FHIT: variants seen among roughly 807,000 people sequenced by gnomAD.
The protein encoded by FHIT is bis(5'-adenosyl)-triphosphatase.
FHIT carries 19 observed loss-of-function variants against 17.9 expected under a neutral mutation model. The ratio of observed to expected loss-of-function variants is 1.06; its 90% CI spans 0.74 to 1.56. FHIT has a LOEUF of 1.56. Ranked by LOEUF, FHIT falls within the 40% of genes most tolerant of loss-of-function variation. The pLI, the probability that FHIT is intolerant of heterozygous loss-of-function variation, is 0.00. For missense variants in FHIT, 248 were observed against 189.2 expected (o/e 1.31, Z -1.82); for synonymous variants, 81 against 69.7 (o/e 1.16, Z -0.81).
chr3:60,120,260 A>G (rs534553073), intron 5 of FHIT, among the ~76,000 whole-genome samples: 6 of 152,204 alleles, frequency 3.9e-5, no homozygotes, highest in Non-Finnish European at 8.8e-5. Context: ...GGCCTTAATC[A>G]TTTCAGTTTC....
At chr3:60,089,616 T>C (rs866411446) in intron 5 of FHIT, among the ~76,000 whole-genome samples, 25 of 152,190 alleles carry the variant, frequency 1.6e-4, no homozygotes, top group African/African-American at 5.8e-4. Flanking sequence ...GATGAAAGGC[T>C]TACCCACTGT....
chr3:60,094,423 T>A (rs1255688344), intron 5 of FHIT, among the ~76,000 whole-genome samples: 1 of 140,428 alleles, frequency 7.1e-6, no homozygotes, highest in East Asian at 2.0e-4. Context: ...CCGGCACCTA[T>A]TTTTGTATCA....
In FHIT at chr3:60,681,940, A is replaced by T. The variant is rs571352617; in HGVS notation, c.-18+139979T>A. Among the ~76,000 whole-genome samples, 28 of 152,088 alleles carry T rather than the reference A, an allele frequency of 1.8e-4. No homozygotes were observed. In the South Asian group the frequency reaches 4.8e-3, roughly 26 times the overall value. On this transcript the variant is annotated intron_variant, in intron 4 of 9. Transcript: ENST00000492590. ...AAGTTATCCAGAAGATCTAGCTAAGATAACTAATGAAGGTGGCTACACTAA... is the reference window on the plus strand; with the variant it reads ...AAGTTATCCAGAAGATCTAGCTAAGTTAACTAATGAAGGTGGCTACACTAA...
chr3:60,324,343 T>TG (rs11400256), intron 5 of FHIT, among the ~76,000 whole-genome samples: 152,004 of 152,012 alleles, frequency 1, 75,998 homozygotes, highest in Middle Eastern at 1. Flanking sequence ...CCCAGAACTT[T>TG]GGAGGCTGAG....
chr3:60,389,552 A>G (rs1701143011), intron 5 of FHIT, among the ~76,000 whole-genome samples: 1 of 152,122 alleles, frequency 6.6e-6, no homozygotes, highest in South Asian at 2.1e-4. Context: ...ATGCTATCAG[A>G]GAATGTCTGT....
At chr3:61,210,861 G>T (rs12492551) in intron 1 of FHIT, among the ~76,000 whole-genome samples, 2 of 151,442 alleles carry the variant, frequency 1.3e-5, no homozygotes, top group Middle Eastern at 3.2e-3. Context: ...TGGTACCTCA[G>T]TTGGAAATGC....
intron 2 of FHIT, among the ~76,000 whole-genome samples, chr3:61,187,934 G>C (rs60134305): frequency 0.14 from 21,448 of 152,204 alleles, 1,627 homozygotes; most frequent in South Asian, 0.22. Context: ...TCAAAGCAGT[G>C]TGGAGAGGGA....
At chr3:60,784,339 CT>C (rs57018877) in intron 4 of FHIT, among the ~76,000 whole-genome samples, 262 of 141,008 alleles carry the variant, frequency 1.9e-3, no homozygotes, top group Admixed American at 2.1e-3. Context: ...CTTCCAGGTT[CT>C]TTTTTTTTTT....
At chr3:60,140,869 C>T (rs188136362) in intron 5 of FHIT, among the ~76,000 whole-genome samples, 2 of 152,118 alleles carry the variant, frequency 1.3e-5, no homozygotes, top group East Asian at 1.9e-4. Flanking sequence ...TGAGCCAATG[C>T]GCCCAGCCGG....
chr3:60,152,144 T>C (rs1481757529), intron 5 of FHIT, among the ~76,000 whole-genome samples: 1 of 152,200 alleles, frequency 6.6e-6, no homozygotes, highest in Non-Finnish European at 1.5e-5. Flanking sequence ...GGGGCACCTG[T>C]TCTTGGTTCC....
At chr3:59,788,465 G>A (rs1699405964) in intron 8 of FHIT, among the ~76,000 whole-genome samples, 1 of 152,166 alleles carries the variant, frequency 6.6e-6, no homozygotes. Context: ...TTGCACCAGT[G>A]CACATGCTGT....
At chr3:60,464,313 G>A (rs979927777) in intron 5 of FHIT, among the ~76,000 whole-genome samples, 12 of 152,106 alleles carry the variant, frequency 7.9e-5, no homozygotes, top group South Asian at 4.2e-4. Flanking sequence ...TAATAATCAC[G>A]TAGGGTAAAT....
At chr3:60,406,992 C>T (rs1164128514) in intron 5 of FHIT, among the ~76,000 whole-genome samples, 1 of 149,174 alleles carries the variant, frequency 6.7e-6, no homozygotes, top group Non-Finnish European at 1.5e-5. Context: ...ATCTACTCTG[C>T]TTTCTGTCAA....
At chr3:61,034,719 T>C (rs1039075193) in intron 3 of FHIT, among the ~76,000 whole-genome samples, 1 of 152,134 alleles carries the variant, frequency 6.6e-6, no homozygotes, top group Non-Finnish European at 1.5e-5. Flanking sequence ...GGAAAATAGT[T>C]TTGTAGTTTC....
Position 60,191,365 on chromosome 3 carries a change from A to T in FHIT, c.104-177213T>A, listed in dbSNP as rs550214797. ...ATAACCAACTGTTGACTAGTCTCGTACTTAGAAAACGGCAGGTTGTCACCT... is the reference window on the plus strand; with the variant it reads ...ATAACCAACTGTTGACTAGTCTCGTTCTTAGAAAACGGCAGGTTGTCACCT... On this transcript the variant is annotated intron_variant, in intron 5 of 9. Coordinates refer to ENST00000492590, the MANE Select transcript of FHIT (RefSeq NM_002012.4). 9.8e-5 allele frequency among the ~76,000 whole-genome samples: 15 copies of T among 152,342 alleles called. No individual in the cohort carries two copies. In the South Asian group the frequency reaches 2.9e-3, roughly 29 times the overall value.
chr3:60,663,064 G>A (rs1454554248), intron 4 of FHIT, among the ~76,000 whole-genome samples: 1 of 146,084 alleles, frequency 6.8e-6, no homozygotes, highest in African/African-American at 2.5e-5. Flanking sequence ...CTATTTCTGG[G>A]TCCTCTATTC....
intron 4 of FHIT, among the ~76,000 whole-genome samples, chr3:60,587,312 G>A (rs1266569899): frequency 6.6e-6 from 1 of 151,966 alleles, no homozygotes; most frequent in African/African-American, 2.4e-5. Context: ...GAGAACACAT[G>A]AACACTGGGA....
intron 2 of FHIT, among the ~76,000 whole-genome samples, chr3:61,176,663 G>T (rs2038164926): frequency 6.6e-6 from 1 of 152,170 alleles, no homozygotes; most frequent in African/African-American, 2.4e-5. Context: ...GTCTTCTCCA[G>T]CTTTCCAGAT....
chr3:60,496,304 G>A (rs2034297766), intron 5 of FHIT, among the ~76,000 whole-genome samples: 1 of 151,962 alleles, frequency 6.6e-6, no homozygotes, highest in Admixed American at 6.6e-5. Context: ...ACTAATTATT[G>A]CAAAAGAAAA....
Sources: allele counts gnomAD v4.1 joint callset (sites outside exome capture counted in the v4.1 genomes callset), GRCh38; gene constraint gnomAD v4.1.1; transcripts MANE v1.5; gene names NCBI Gene and HGNC (gene_info 2026-07-23, HGNC 2026-07-21).